The following RGS12 variants were observed in gnomAD, a reference collection of about 807,000 sequenced individuals.
RGS12 encodes the protein regulator of G-protein signaling 12.
A neutral mutation model predicts 120.1 loss-of-function variants in RGS12; 66 were observed. The observed-to-expected ratio is 0.55, with a 90% confidence interval of 0.45 to 0.67. The LOEUF (loss-of-function observed/expected upper bound fraction) is 0.67, where lower values mean the gene tolerates loss of function less well. Among genes scored for constraint, RGS12 ranks in the 30% least tolerant of loss-of-function variants. The pLI is 0.00. For missense variants in RGS12, 1,859 were observed against 1,957.7 expected (o/e 0.95, Z 0.95); for synonymous variants, 827 against 804.7 (o/e 1.03, Z -0.47).
rs960774233 is a variant in RGS12 at position 3,433,494 on chromosome 4, C to T, written c.4114+2539C>T. Among the ~76,000 whole-genome samples the T allele has an allele frequency of 1.3e-5, 2 of 151,810 alleles. No homozygotes were observed. Among genetic ancestry groups the T allele is most frequent in the African/African-American group, 4.8e-5 (2 of 41,292 alleles). ...CACATGCCACACCACCCCATCCTAG[C>T]CCCAGCACCACGTGCCATGCCACCC... On this transcript the variant is annotated intron_variant, in intron 17 of 17. Coordinates refer to ENST00000336727, the MANE Select transcript of RGS12 (RefSeq NM_001394154.1). This position sits in a 1 kb window ranked among gnomAD's most constrained non-coding sequence, Gnocchi z 4.4.
chr4:3,357,525 T>C (rs1715006342), intron 3 of RGS12, among the ~76,000 whole-genome samples: 1 of 152,192 alleles, frequency 6.6e-6, no homozygotes, highest in Non-Finnish European at 1.5e-5. Context: ...TTTGATCCAT[T>C]TTGAAGTAAT....
chr4:3,417,647 A>G (rs1194676835), intron 9 of RGS12, 106 bp downstream of exon 9: 1 of 1,238,646 alleles, frequency 8.1e-7, no homozygotes, highest in Non-Finnish European at 1.1e-6. Flanking sequence ...GTGTGCAGTG[A>G]GAGGCCCTGT....
At chr4:3,312,092 G>C (rs1483768192) in intron 1 of RGS12, among the ~76,000 whole-genome samples, 1 of 152,192 alleles carries the variant, frequency 6.6e-6, no homozygotes, top group Non-Finnish European at 1.5e-5. Context: ...TACTAAGTCA[G>C]AGTCCCTGGG....
At chr4:3,329,256 C>T (rs1392783711) in intron 2 of RGS12, among the ~76,000 whole-genome samples, 3 of 152,122 alleles carry the variant, frequency 2.0e-5, no homozygotes, top group Non-Finnish European at 4.4e-5. Context: ...AAGCTGCCCT[C>T]ATGTTTGGGA....
chr4:3,404,293 A>G (rs1720887697), intron 4 of RGS12, among the ~76,000 whole-genome samples: 1 of 152,238 alleles, frequency 6.6e-6, no homozygotes, highest in Admixed American at 6.5e-5. Flanking sequence ...CTGAGGCACA[A>G]GTCTCCACAT....
chr4:3,411,941 C>T (rs1471133169), intron 4 of RGS12, among the ~76,000 whole-genome samples: 3 of 152,238 alleles, frequency 2.0e-5, no homozygotes, highest in Non-Finnish European at 2.9e-5. Context: ...TCAGGGCTTC[C>T]GTGTGAGCCC....
intron 6 of RGS12, 62 bp downstream of exon 6, chr4:3,414,906 A>AG: frequency 8.0e-7 from 1 of 1,254,824 alleles, no homozygotes; most frequent in Non-Finnish European, 1.2e-6. Flanking sequence ...GACGCATGTG[A>AG]GGGGTGTGTG....
At position 3,366,306 on chromosome 4, in the gene RGS12, G is replaced by A. The variant is rs1470429514; in HGVS notation, c.1999-20110G>A. ...AGGGGTGGAGGGCAGGAGGATGGGA[G>A]AGCCCAGCTGGGGGAGATTTGAGGG... On this transcript the variant is annotated intron_variant, in intron 3 of 17. Transcript: ENST00000336727. This position sits in a 1 kb window ranked among gnomAD's most constrained non-coding sequence, Gnocchi z 4.0. Among the ~76,000 whole-genome samples, 2 of 152,190 alleles carry A rather than the reference G, an allele frequency of 1.3e-5. No homozygotes were observed. Among genetic ancestry groups the A allele is most frequent in the East Asian group, 3.9e-4 (2 of 5,192 alleles).
intron 4 of RGS12, among the ~76,000 whole-genome samples, chr4:3,403,783 C>G (rs749918274): frequency 6.6e-6 from 1 of 152,212 alleles, no homozygotes; most frequent in Non-Finnish European, 1.5e-5. Flanking sequence ...CAGGGATTCC[C>G]GTAAGATTTC....
At position 3,365,187 on chromosome 4, in the gene RGS12, A is replaced by G. The variant is rs1412764281; in HGVS notation, c.1999-21229A>G. ...GGGGATGTTCAGGGCCAGGGATGGCAGACCGCAGTCCCCGGCCAGATCCAC... is the reference window on the plus strand; with the variant it reads ...GGGGATGTTCAGGGCCAGGGATGGCGGACCGCAGTCCCCGGCCAGATCCAC... On this transcript the variant is annotated intron_variant, in intron 3 of 17. Transcript: ENST00000336727. The surrounding 1 kb of genome is among the most constrained non-coding windows in gnomAD (Gnocchi z 4.0). Among the ~76,000 whole-genome samples the G allele has an allele frequency of 6.6e-6, 1 of 152,182 alleles. No homozygotes were observed. Among genetic ancestry groups the G allele is most frequent in the Admixed American group, 6.5e-5 (1 of 15,280 alleles).
intron 1 of RGS12, among the ~76,000 whole-genome samples, chr4:3,313,546 G>T (rs908067342): frequency 2.6e-5 from 4 of 152,174 alleles, no homozygotes; most frequent in African/African-American, 9.7e-5. Context: ...AAACTGGGGG[G>T]CTTAAGACAA....
At chr4:3,303,140 A>G (rs937666660) in intron 1 of RGS12, among the ~76,000 whole-genome samples, 2 of 152,200 alleles carry the variant, frequency 1.3e-5, no homozygotes, top group Admixed American at 6.5e-5. Flanking sequence ...ACCCAGTGAG[A>G]GAGCCTCAAG....
intron 6 of RGS12, among the ~76,000 whole-genome samples, chr4:3,415,115 AGGGCCGCGTGTGTGT>A: frequency 1.3e-5 from 1 of 75,360 alleles, no homozygotes; most frequent in South Asian, 4.6e-4. Context: ...CGCGTGTGAG[AGGGCCGCGTGTGTGT>A]GAGGGGCGTG....
In RGS12 at chr4:3,316,916, C is replaced by CCGACAGCTTGCAAGCCATCCG; in HGVS notation, c.749_769dup (p.Asp250_Arg256dup). 1.2e-6 allele frequency: 2 copies of CCGACAGCTTGCAAGCCATCCG among 1,613,982 alleles called. No homozygotes were observed. The highest frequency in any genetic ancestry group is 2.2e-5 in the South Asian group (2 of 91,086). On this transcript the variant is annotated inframe_insertion, in exon 2 of 18. Coordinates refer to ENST00000336727, the MANE Select transcript of RGS12 (RefSeq NM_001394154.1). ...CCTTCCACGAGCTCCAACCTGGAGT[C>CCGACAGCTTGCAAGCCATCCG]CGACAGCTTGCAAGCCATCCGCGGC... is the stretch of plus-strand genomic sequence containing the variant.
chr4:3,417,776 C>G (rs1722572129), intron 9 of RGS12: 2 of 528,868 alleles, frequency 3.8e-6, no homozygotes, highest in Admixed American at 3.6e-5. Flanking sequence ...GAAAAGGGCT[C>G]AATACATTTC....
At chr4:3,391,526 T>A (rs1719500087) in intron 4 of RGS12, among the ~76,000 whole-genome samples, 2 of 152,332 alleles carry the variant, frequency 1.3e-5, no homozygotes, top group South Asian at 4.1e-4. Flanking sequence ...TTGGTGCCCC[T>A]GCGGCTGCAT....
At chr4:3,382,905 C>G (rs995331038) in intron 3 of RGS12, among the ~76,000 whole-genome samples, 1 of 152,180 alleles carries the variant, frequency 6.6e-6, no homozygotes, top group African/African-American at 2.4e-5. Context: ...ACTCAACGCT[C>G]TGCATTAGAT....
intron 3 of RGS12, among the ~76,000 whole-genome samples, chr4:3,355,324 G>A (rs1361876559): frequency 1.3e-5 from 2 of 152,180 alleles, no homozygotes; most frequent in Non-Finnish European, 2.9e-5. Flanking sequence ...TCATAATTAA[G>A]CTTTCCCTTT....
intron 2 of RGS12, among the ~76,000 whole-genome samples, chr4:3,320,687 A>T (rs1003749880): frequency 1.3e-5 from 2 of 152,154 alleles, no homozygotes. Context: ...GTTGCTGTTT[A>T]CTTTGCCAAG....
Sources: allele counts gnomAD v4.1 joint callset (sites outside exome capture counted in the v4.1 genomes callset), GRCh38; gene constraint gnomAD v4.1.1; non-coding constraint Gnocchi (gnomAD v3.1); transcripts MANE v1.5; gene names NCBI Gene and HGNC (gene_info 2026-07-23, HGNC 2026-07-21).